GALNT2: variants seen among roughly 807,000 people sequenced by gnomAD.
GALNT2 encodes polypeptide N-acetylgalactosaminyltransferase 2, also known as UDP-GalNAc:polypeptide N-acetylgalactosaminyltransferase 2.
GALNT2 carries 31 observed loss-of-function variants against 81.4 expected under a neutral mutation model. The observed-to-expected ratio is 0.38, with a 90% confidence interval of 0.29 to 0.51. GALNT2 has a LOEUF of 0.51. GALNT2 is among the 20% of genes least tolerant of loss of function. The pLI is 0.87. For missense variants in GALNT2, 629 were observed against 765.7 expected (o/e 0.82, Z 2.11); for synonymous variants, 303 against 287.4 (o/e 1.05, Z -0.55).
intron 1 of GALNT2, among the ~76,000 whole-genome samples, chr1:230,137,030 C>G (rs1440751535): frequency 6.6e-6 from 1 of 152,168 alleles, no homozygotes; most frequent in Non-Finnish European, 1.5e-5. Flanking sequence ...GCTAAGAGAC[C>G]GTTTCCTTGA....
chr1:230,246,601 G>C (rs192363285), intron 8 of GALNT2, among the ~76,000 whole-genome samples: 14 of 152,256 alleles, frequency 9.2e-5, no homozygotes, highest in African/African-American at 9.6e-5. Context: ...ATGGAGACCT[G>C]TGTCATCCTC....
intron 1 of GALNT2, among the ~76,000 whole-genome samples, chr1:230,098,880 A>G (rs2102775313): frequency 6.6e-6 from 1 of 152,290 alleles, no homozygotes; most frequent in Admixed American, 6.5e-5. Flanking sequence ...ATGATGTGTT[A>G]TGAGGCACTG....
chr1:230,102,460 A>G (rs932527107), intron 1 of GALNT2, among the ~76,000 whole-genome samples: 1 of 152,122 alleles, frequency 6.6e-6, no homozygotes, highest in Non-Finnish European at 1.5e-5. Context: ...CAAATGGATC[A>G]TTTCCTTTTT....
chr1:230,194,609 T>G (rs1663629512), intron 2 of GALNT2, among the ~76,000 whole-genome samples: 1 of 152,222 alleles, frequency 6.6e-6, no homozygotes, highest in Non-Finnish European at 1.5e-5. Context: ...CTCTTGCGGT[T>G]AGCCCAGCCC....
chr1:230,177,675 G>T (rs1398076993), intron 1 of GALNT2, among the ~76,000 whole-genome samples: 1 of 152,122 alleles, frequency 6.6e-6, no homozygotes, highest in African/African-American at 2.4e-5. Flanking sequence ...TCCTATTAGA[G>T]TAAGTCCTAG....
chr1:230,224,010 C>G (rs1213637192), intron 3 of GALNT2, among the ~76,000 whole-genome samples: 1 of 152,172 alleles, frequency 6.6e-6, no homozygotes, highest in African/African-American at 2.4e-5. Context: ...GAAGGGTGCT[C>G]TAAAGGATTC....
In GALNT2 at chr1:230,249,256, CA is replaced by C. The variant is rs754008774; in HGVS notation, c.891del (p.Val298SerfsTer4). 6.2e-7 allele frequency: 1 copy of C among 1,614,078 alleles called. No homozygotes were observed. The highest frequency in any genetic ancestry group is 1.7e-5 in the Admixed American group (1 of 60,018). ...CAGAGAAGGTCCCGGCAGGGGAACC[CA>C]GTCGCCCCTATAAAGTAAGTGCCAG... ...PEQRRSRQGN[P>X]VAPIKTPMIA... On this transcript the variant is annotated frameshift_variant, in exon 9 of 16. Transcript: ENST00000366672. LOFTEE classifies it high-confidence loss of function.
chr1:230,203,141 A>G lies in GALNT2; in HGVS notation c.225A>G (p.Lys75=). 6.2e-7 allele frequency: 1 copy of G among 1,613,464 alleles called. No individual in the cohort carries two copies. Among genetic ancestry groups the G allele is most frequent in the South Asian group, 1.1e-5 (1 of 91,036 alleles). ...AQSMETLPPG[K]VRWPDFNQEA... ...CCTCTGCTCTGCTCTTTTTAGGGAA[A>G]GTACGGTGGCCAGACTTTAACCAGG... is the stretch of plus-strand genomic sequence containing the variant. Residue 75 remains lysine (K), a synonymous_variant, in exon 3 of 16, where the codon AAA becomes AAG. Transcript: ENST00000366672.
rs144858831 is a variant in GALNT2 at position 230,153,029 on chromosome 1, C to T, written c.127-25189C>T. Among the ~76,000 whole-genome samples the T allele has an allele frequency of 3.9e-5, 6 of 152,298 alleles. No homozygotes were observed. The East Asian group carries it at 7.7e-4, about 20-fold the overall frequency. Reference sequence around the variant, plus strand: ...AATACTTGGTGACTTGGCTAAACTGCGTTCAGTCCTTCTGAATACTTATTT... The same window carrying T: ...AATACTTGGTGACTTGGCTAAACTGTGTTCAGTCCTTCTGAATACTTATTT... On this transcript the variant is annotated intron_variant, in intron 1 of 15. Coordinates refer to ENST00000366672, the MANE Select transcript of GALNT2 (RefSeq NM_004481.5).
In GALNT2 at chr1:230,275,392, G is replaced by A. The variant is rs189273915; in HGVS notation, c.1560+828G>A. Among the ~76,000 whole-genome samples the A allele has an allele frequency of 3.1e-4, 45 of 144,058 alleles. No homozygotes were observed. In the East Asian group the frequency reaches 4.0e-3, roughly 13 times the overall value. 94.5% of individuals were successfully genotyped at this position (144,058 alleles called of 152,430 possible). A position where few individuals can be genotyped will look rare whatever the true frequency, so the allele number is the denominator to read the frequency against. ...ATCTATAAACACCACATGTATACAC[G>A]CCACATATATACATATGTAAACACC... On this transcript the variant is annotated intron_variant, in intron 15 of 15. Transcript: ENST00000366672. The surrounding 1 kb of genome is among the most constrained non-coding windows in gnomAD (Gnocchi z 5.5).
intron 1 of GALNT2, among the ~76,000 whole-genome samples, chr1:230,127,046 G>A (rs1661204990): frequency 1.3e-5 from 2 of 152,254 alleles, no homozygotes; most frequent in South Asian, 4.1e-4. Flanking sequence ...TTTTTGGATA[G>A]ATGTTAATAT....
upstream of GALNT2, among the ~76,000 whole-genome samples, chr1:230,062,423 G>C (rs754073629): frequency 6.6e-6 from 1 of 152,050 alleles, no homozygotes; most frequent in Non-Finnish European, 1.5e-5. Flanking sequence ...GTATAATTCT[G>C]TGCCATTAAG....
chr1:230,079,005 C>G (rs1442912589), intron 1 of GALNT2, among the ~76,000 whole-genome samples: 6 of 152,208 alleles, frequency 3.9e-5, no homozygotes, highest in African/African-American at 1.4e-4. Flanking sequence ...ACACCCTTCT[C>G]ATTTGCCAGG....
At chr1:230,076,584 T>TG (rs1183526089) in intron 1 of GALNT2, among the ~76,000 whole-genome samples, 2 of 152,124 alleles carry the variant, frequency 1.3e-5, no homozygotes, top group Non-Finnish European at 2.9e-5. Flanking sequence ...GTATTGTACT[T>TG]GGGGACAGTA....
In GALNT2 at chr1:230,076,829, A is replaced by G. The variant is rs112511909; in HGVS notation, c.126+9423A>G. Among the ~76,000 whole-genome samples the G allele has an allele frequency of 4.7e-3, 710 of 152,270 alleles. 5 individuals are homozygous for G. The highest frequency in any genetic ancestry group is 0.016 in the African/African-American group (666 of 41,542). On this transcript the variant is annotated intron_variant, in intron 1 of 15. Coordinates refer to ENST00000366672, the MANE Select transcript of GALNT2 (RefSeq NM_004481.5). ...TGGATAAAACAACTGGAGCATTTACATGGCGGGAAAAAGAACAGGTAATTT... is the reference window on the plus strand; with the variant it reads ...TGGATAAAACAACTGGAGCATTTACGTGGCGGGAAAAAGAACAGGTAATTT...
At chr1:230,145,287 A>C (rs1336238028) in intron 1 of GALNT2, among the ~76,000 whole-genome samples, 2 of 152,120 alleles carry the variant, frequency 1.3e-5, no homozygotes, top group Admixed American at 1.3e-4. Context: ...CGTCTCAGAA[A>C]TCTGCACTGT....
intron 2 of GALNT2, among the ~76,000 whole-genome samples, chr1:230,197,015 C>T (rs937498669): frequency 6.6e-6 from 1 of 152,046 alleles, no homozygotes; most frequent in Non-Finnish European, 1.5e-5. Context: ...TTAGAGTAGG[C>T]CCCTGGCACT....
intron 1 of GALNT2, among the ~76,000 whole-genome samples, chr1:230,103,935 GA>G (rs1332256902): frequency 2.6e-5 from 4 of 152,154 alleles, no homozygotes; most frequent in Non-Finnish European, 5.9e-5. Context: ...GCATCTCCCA[GA>G]GCGACTGTTT....
chr1:230,103,729 GAA>G (rs71173782), intron 1 of GALNT2, among the ~76,000 whole-genome samples: 7 of 147,296 alleles, frequency 4.8e-5, no homozygotes, highest in African/African-American at 9.9e-5. Flanking sequence ...AAGCCAAAAG[GAA>G]AAAAAAAAAG....
Sources: allele counts gnomAD v4.1 joint callset (sites outside exome capture counted in the v4.1 genomes callset), GRCh38; gene constraint gnomAD v4.1.1; non-coding constraint Gnocchi (gnomAD v3.1); transcripts MANE v1.5; gene names NCBI Gene and HGNC (gene_info 2026-07-23, HGNC 2026-07-21).